TMC1: variants seen among roughly 807,000 people sequenced by gnomAD.
TMC1 encodes transmembrane channel-like protein 1.
A neutral mutation model predicts 105.8 loss-of-function variants in TMC1; 84 were observed. That is an observed-to-expected ratio of 0.79 (90% CI 0.67 to 0.95). TMC1 has a LOEUF of 0.95. Among genes scored for constraint, TMC1 ranks in the 40% least tolerant of loss-of-function variants. The pLI is 0.00. For missense variants in TMC1, 817 were observed against 914.1 expected (o/e 0.89, Z 1.37); for synonymous variants, 315 against 311.5 (o/e 1.01, Z -0.12).
chr9:72,567,369 C>T (rs4075965), intron 1 of TMC1, among the ~76,000 whole-genome samples: 46,054 of 152,062 alleles, frequency 0.3, 7,944 homozygotes, highest in African/African-American at 0.45. Context: ...CCATCTTCCC[C>T]CTCTGTGAAG....
At chr9:72,829,493 C>T (rs1425203153) in intron 21 of TMC1, among the ~76,000 whole-genome samples, 1 of 152,154 alleles carries the variant, frequency 6.6e-6, no homozygotes, top group Non-Finnish European at 1.5e-5. Flanking sequence ...TTATAATACA[C>T]ACCACACACA....
At chr9:72,682,696 C>T (rs192205237) in intron 5 of TMC1, among the ~76,000 whole-genome samples, 136 of 152,342 alleles carry the variant, frequency 8.9e-4, no homozygotes, top group African/African-American at 3.1e-3. Context: ...GTCTACTTCA[C>T]AACCACCAAT....
At chr9:72,809,222 T>G (rs897677301) in intron 18 of TMC1, among the ~76,000 whole-genome samples, 6 of 152,212 alleles carry the variant, frequency 3.9e-5, no homozygotes, top group Non-Finnish European at 7.3e-5. Context: ...TGAGTGCAAA[T>G]ATGAAGTCAA....
chr9:72,699,713 T>C lies in TMC1; in HGVS notation c.237-805T>C, dbSNP rs369497480. Among the ~76,000 whole-genome samples the C allele has an allele frequency of 1.4e-3, 213 of 152,154 alleles. 1 individual carries two copies. The highest frequency in any genetic ancestry group is 4.8e-3 in the African/African-American group (199 of 41,490). On this transcript the variant is annotated intron_variant, in intron 7 of 23. Coordinates refer to ENST00000297784, the MANE Select transcript of TMC1 (RefSeq NM_138691.3). Reference sequence around the variant, plus strand: ...GGCTCACACCTGTAATCCCAGCACATTGGGAGGCCGGGGAGGGTGGATCAC... The same window carrying C: ...GGCTCACACCTGTAATCCCAGCACACTGGGAGGCCGGGGAGGGTGGATCAC...
At chr9:72,548,047 T>C (rs1290286817) in intron 1 of TMC1, among the ~76,000 whole-genome samples, 1 of 152,172 alleles carries the variant, frequency 6.6e-6, no homozygotes. Flanking sequence ...ATGAGCACTC[T>C]ACCTTCGCAA....
intron 2 of TMC1, among the ~76,000 whole-genome samples, chr9:72,606,996 T>G (rs1372176597): frequency 0.013 from 1,301 of 99,818 alleles, 7 homozygotes; most frequent in African/African-American, 0.016. Context: ...TATATATATA[T>G]ATATATAGAG....
intron 17 of TMC1, among the ~76,000 whole-genome samples, chr9:72,796,273 C>A (rs115443472): frequency 0.017 from 2,559 of 152,208 alleles, 65 homozygotes; most frequent in African/African-American, 0.059. Flanking sequence ...GAATTCACAG[C>A]TGAATTCTAC....
At chr9:72,662,149 C>T (rs528296683) in intron 5 of TMC1, among the ~76,000 whole-genome samples, 1 of 152,034 alleles carries the variant, frequency 6.6e-6, no homozygotes, top group East Asian at 1.9e-4. Context: ...GCTTCTTTTT[C>T]CAACTACTAC....
intron 5 of TMC1, among the ~76,000 whole-genome samples, chr9:72,657,204 G>C (rs1371215283): frequency 1.3e-5 from 2 of 152,188 alleles, no homozygotes; most frequent in Admixed American, 1.3e-4. Context: ...AACTCAGTGA[G>C]ACCACAAGCC....
intron 7 of TMC1, among the ~76,000 whole-genome samples, chr9:72,699,660 T>G (rs1203213034): frequency 6.6e-6 from 1 of 152,054 alleles, no homozygotes; most frequent in Non-Finnish European, 1.5e-5. Flanking sequence ...GCTCTAGACA[T>G]AAAAGAATTG....
At chr9:72,641,385 G>A (rs1356146500) in intron 4 of TMC1, among the ~76,000 whole-genome samples, 2 of 152,016 alleles carry the variant, frequency 1.3e-5, no homozygotes, top group Non-Finnish European at 2.9e-5. Context: ...GAGCCACTAC[G>A]CCCAGCCTCA....
chr9:72,766,416 CAAA>C (rs397894474), intron 12 of TMC1, among the ~76,000 whole-genome samples: 7 of 68,606 alleles, frequency 1.0e-4, no homozygotes, highest in Admixed American at 8.5e-4. Context: ...GACTCTGTCT[CAAA>C]AAAAAAAAAA....
intron 6 of TMC1, among the ~76,000 whole-genome samples, chr9:72,690,133 TG>T (rs1826440855): frequency 6.6e-6 from 1 of 151,996 alleles, no homozygotes. Context: ...GAAATTTTAT[TG>T]TGGTTACCAT....
chr9:72,538,495 G>A (rs1033743546), intron 1 of TMC1, among the ~76,000 whole-genome samples: 3 of 151,732 alleles, frequency 2.0e-5, no homozygotes, highest in Admixed American at 6.6e-5. Flanking sequence ...GGAGTGCAGT[G>A]GCACGATCTC....
chr9:72,810,190 A>G (rs1007690059), intron 18 of TMC1, among the ~76,000 whole-genome samples: 1 of 152,002 alleles, frequency 6.6e-6, no homozygotes, highest in Non-Finnish European at 1.5e-5. Context: ...AGAAAAGGCT[A>G]ATAAGAATGT....
intron 2 of TMC1, among the ~76,000 whole-genome samples, chr9:72,602,622 G>A (rs966978411): frequency 4.6e-5 from 7 of 152,040 alleles, no homozygotes; most frequent in African/African-American, 7.3e-5. Flanking sequence ...TGATCCATCC[G>A]CCTCGGCCTC....
chr9:72,670,921 G>C (rs769332451), intron 5 of TMC1, among the ~76,000 whole-genome samples: 1 of 152,202 alleles, frequency 6.6e-6, no homozygotes. Flanking sequence ...CACTTGAAGA[G>C]AGACTGTGAC....
At chr9:72,767,626 T>C (rs1827860672) in intron 12 of TMC1, among the ~76,000 whole-genome samples, 1 of 152,214 alleles carries the variant, frequency 6.6e-6, no homozygotes, top group Non-Finnish European at 1.5e-5. Context: ...TTGGTGATTA[T>C]GGACTGGACC....
In TMC1 at chr9:72,789,326, C is replaced by T. The variant is rs1828224743; in HGVS notation, c.1224+9C>T. 1.2e-6 allele frequency: 2 copies of T among 1,612,914 alleles called. No individual in the cohort carries two copies. The highest frequency in any genetic ancestry group is 1.7e-6 in the Non-Finnish European group (2 of 1,178,938). ...GGTGGGAAAAAAATGAAGTTCGTCT[C>T]TGCATGCTTTTTATGTGCTTAGAAC... On this transcript the variant is annotated intron_variant, in intron 15 of 23. Coordinates refer to ENST00000297784, the MANE Select transcript of TMC1 (RefSeq NM_138691.3).
Sources: allele counts gnomAD v4.1 joint callset (sites outside exome capture counted in the v4.1 genomes callset), GRCh38; gene constraint gnomAD v4.1.1; transcripts MANE v1.5; gene names NCBI Gene and HGNC (gene_info 2026-07-23, HGNC 2026-07-21).